The following SLC9D1 variants were observed in gnomAD, a reference collection of about 807,000 sequenced individuals.
SLC9D1 encodes solute carrier family 9 member D1.
At chr13:113,512,297 C>CGG in the SLC9D1 span, among the ~76,000 whole-genome samples, 9 of 99,442 alleles carry the variant, frequency 9.1e-5, no homozygotes, top group African/African-American at 2.2e-4. Context: ...TATATATATA[C>CGG]ACTCGGAGTC....
At chr13:113,539,580 GCATA>G in the SLC9D1 span, 13,688 of 1,465,706 alleles carry the variant, frequency 9.3e-3, 578 homozygotes, top group African/African-American at 0.12. The surrounding 1 kb of genome is among the most constrained non-coding windows in gnomAD (Gnocchi z 4.8). Flanking sequence ...ATGTTTACGT[GCATA>G]TATATTTATA....
the SLC9D1 span, chr13:113,495,994 G>A: frequency 4.3e-6 from 7 of 1,612,606 alleles, no homozygotes; most frequent in Non-Finnish European, 5.9e-6. Context: ...AGCCGGCAGC[G>A]CCTGGAGGCC....
chr13:113,536,903 C>T, the SLC9D1 span, among the ~76,000 whole-genome samples: 3 of 152,308 alleles, frequency 2.0e-5, no homozygotes, highest in Non-Finnish European at 2.9e-5. Context: ...TCCCCAAAGT[C>T]GCCATGCCAG....
chr13:113,499,271 C>T, the SLC9D1 span, among the ~76,000 whole-genome samples: 1 of 152,164 alleles, frequency 6.6e-6, no homozygotes, highest in Admixed American at 6.5e-5. Context: ...TGGCTGGCTT[C>T]TCTACTGCAT....
chr13:113,518,447 C>A, the SLC9D1 span, among the ~76,000 whole-genome samples: 6 of 152,286 alleles, frequency 3.9e-5, no homozygotes, highest in Non-Finnish European at 5.9e-5. Flanking sequence ...AGGAAGAGAA[C>A]AAAATATTTA....
At chr13:113,491,245 G>C in the SLC9D1 span, 1 of 152,334 alleles carries the variant, frequency 6.6e-6, no homozygotes, top group Non-Finnish European at 1.5e-5. Flanking sequence ...GCTCGGGCCG[G>C]ACGGGCGGGC....
the SLC9D1 span, among the ~76,000 whole-genome samples, chr13:113,493,695 T>G: frequency 1.3e-5 from 2 of 152,210 alleles, no homozygotes; most frequent in African/African-American, 4.8e-5. Context: ...GGAGTGTGCT[T>G]CTCCTTTTGG....
chr13:113,495,745 G>C, the SLC9D1 span: 1 of 1,614,066 alleles, frequency 6.2e-7, no homozygotes, highest in Non-Finnish European at 8.5e-7. Flanking sequence ...GACAGCTGCA[G>C]GAAGCTCTCA....
chr13:113,536,940 CGCCGT>C, the SLC9D1 span, among the ~76,000 whole-genome samples: 1 of 152,160 alleles, frequency 6.6e-6, no homozygotes, highest in Admixed American at 6.5e-5. Context: ...GCCGTGAGCA[CGCCGT>C]GCCCCACAGC....
At chr13:113,516,753 C>T in the SLC9D1 span, among the ~76,000 whole-genome samples, 3 of 152,114 alleles carry the variant, frequency 2.0e-5, no homozygotes, top group African/African-American at 4.8e-5. Context: ...TCGAGGGGCC[C>T]AACCCTCGAA....
chr13:113,532,250 C>T, the SLC9D1 span, among the ~76,000 whole-genome samples: 7 of 152,264 alleles, frequency 4.6e-5, no homozygotes, highest in South Asian at 2.1e-4. Context: ...AGCAGGGAAC[C>T]GCCCTGCGAA....
the SLC9D1 span, among the ~76,000 whole-genome samples, chr13:113,524,323 T>A: frequency 1.3e-5 from 2 of 152,296 alleles, no homozygotes; most frequent in East Asian, 3.9e-4. Context: ...TGAATTGATC[T>A]TGTTATCATT....
At chr13:113,515,721 C>T in the SLC9D1 span, among the ~76,000 whole-genome samples, 62 of 151,898 alleles carry the variant, frequency 4.1e-4, no homozygotes, top group African/African-American at 1.5e-3. Context: ...GAAACCCCGT[C>T]TCTACTAAAA....
the SLC9D1 span, among the ~76,000 whole-genome samples, chr13:113,531,569 G>A: frequency 2.0e-5 from 3 of 148,070 alleles, no homozygotes; most frequent in Admixed American, 6.8e-5. Context: ...CAGGTGGCAC[G>A]GCACCCCGTA....
the SLC9D1 span, among the ~76,000 whole-genome samples, chr13:113,532,249 C>G: frequency 6.6e-6 from 1 of 152,170 alleles, no homozygotes; most frequent in Non-Finnish European, 1.5e-5. Flanking sequence ...CAGCAGGGAA[C>G]CGCCCTGCGA....
the SLC9D1 span, chr13:113,548,433 C>T: frequency 1.2e-5 from 19 of 1,610,332 alleles, no homozygotes; most frequent in Middle Eastern, 2.2e-4. Flanking sequence ...GCGCGAAGAG[C>T]GGGCGTCATC....
chr13:113,513,803 TGAAACTGAA>T, the SLC9D1 span, among the ~76,000 whole-genome samples: 19 of 152,272 alleles, frequency 1.2e-4, no homozygotes, highest in East Asian at 3.3e-3. Flanking sequence ...GGAGTTTTCA[TGAAACTGAA>T]GAAACTGATC....
the SLC9D1 span, chr13:113,510,108 G>A: frequency 5.1e-6 from 4 of 787,276 alleles, no homozygotes; most frequent in South Asian, 1.7e-5. Context: ...TTCAGATGGT[G>A]ACCCCAGCGT....
At chr13:113,498,114 A>G in the SLC9D1 span, among the ~76,000 whole-genome samples, 1 of 152,234 alleles carries the variant, frequency 6.6e-6, no homozygotes, top group Admixed American at 6.5e-5. Flanking sequence ...TTGTGTAACA[A>G]ATGTTTCTTA....
Sources: allele counts gnomAD v4.1 joint callset (sites outside exome capture counted in the v4.1 genomes callset), GRCh38; gene constraint gnomAD v4.1.1; non-coding constraint Gnocchi (gnomAD v3.1); transcripts MANE v1.5; gene names NCBI Gene and HGNC (gene_info 2026-07-23, HGNC 2026-07-21).